Variants in TMEM45A observed in about 807,000 individuals in gnomAD.
The protein encoded by TMEM45A is transmembrane protein 45A.
A neutral mutation model predicts 32.0 loss-of-function variants in TMEM45A; 25 were observed. The observed-to-expected ratio is 0.78, with a 90% CI of 0.57 to 1.09. The LOEUF (loss-of-function observed/expected upper bound fraction) is 1.09, where lower values mean the gene tolerates loss of function less well. Among genes scored for constraint, TMEM45A ranks in the 50% least tolerant of loss-of-function variants. The pLI is 0.00. For synonymous variants in TMEM45A, 122 were observed against 114.8 expected, an observed-to-expected ratio of 1.06 and a Z score of -0.40; for missense variants, 302 against 325.0, an observed-to-expected ratio of 0.93 and a Z score of 0.54.
At chr3:100,526,321 A>C (rs1705543854) in intron 1 of TMEM45A, among the ~76,000 whole-genome samples, 1 of 152,076 alleles carries the variant, frequency 6.6e-6, no homozygotes, top group African/African-American at 2.4e-5. Flanking sequence ...GAACTCTTAA[A>C]GTCTCATCTT....
intron 1 of TMEM45A, among the ~76,000 whole-genome samples, chr3:100,509,855 A>G (rs1349946252): frequency 6.6e-6 from 1 of 152,208 alleles, no homozygotes; most frequent in Non-Finnish European, 1.5e-5. Context: ...GAAAGGGGCG[A>G]CAGACGGCAC....
At chr3:100,504,705 A>G (rs1366742582) in intron 1 of TMEM45A, among the ~76,000 whole-genome samples, 3 of 152,348 alleles carry the variant, frequency 2.0e-5, no homozygotes, top group East Asian at 3.9e-4. Flanking sequence ...CAGGGAACAC[A>G]TAATAATCTG....
intron 1 of TMEM45A, among the ~76,000 whole-genome samples, chr3:100,523,159 G>T (rs1266709696): frequency 1.3e-5 from 2 of 152,130 alleles, no homozygotes; most frequent in Admixed American, 6.6e-5. Context: ...CTTCTGCATC[G>T]CTTAGAACAT....
intron 5 of TMEM45A, among the ~76,000 whole-genome samples, chr3:100,575,363 C>CTTTTTTTTTTTTTTTTTTTTT (rs59739893): frequency 6.4e-5 from 4 of 62,706 alleles, no homozygotes; most frequent in African/African-American, 2.2e-4. Flanking sequence ...TATGGATTCT[C>CTTTTTTTTTTTTTTTTTTTTT]TTTTTTTTTT....
chr3:100,514,393 T>G (rs1383457138), intron 1 of TMEM45A, among the ~76,000 whole-genome samples: 2 of 152,172 alleles, frequency 1.3e-5, no homozygotes, highest in Non-Finnish European at 1.5e-5. Flanking sequence ...CCCTATTTAA[T>G]ATATGGTGCT....
chr3:100,554,943 T>C (rs1231574720), intron 1 of TMEM45A, among the ~76,000 whole-genome samples: 9 of 152,202 alleles, frequency 5.9e-5, no homozygotes, highest in Non-Finnish European at 2.9e-5. Context: ...ATAAATTAGG[T>C]TGAAGACTGA....
chr3:100,494,572 A>C (rs1707895105), intron 1 of TMEM45A, among the ~76,000 whole-genome samples: 2 of 152,132 alleles, frequency 1.3e-5, no homozygotes, highest in Admixed American at 6.5e-5. Flanking sequence ...CAGTGAGCCA[A>C]GATCACGCCA....
chr3:100,510,651 G>A (rs62276550), intron 1 of TMEM45A, among the ~76,000 whole-genome samples: 2,188 of 116,840 alleles, frequency 0.019, no homozygotes, highest in South Asian at 0.019. Flanking sequence ...GAGAGAAGAA[G>A]GCTTCAGATG....
chr3:100,509,774 G>C (rs1034000736), intron 1 of TMEM45A, among the ~76,000 whole-genome samples: 28 of 152,206 alleles, frequency 1.8e-4, no homozygotes, highest in African/African-American at 2.4e-5. Flanking sequence ...CCGTGCATGA[G>C]CTGAAGCAGG....
At chr3:100,556,108 G>T (rs1559649966) in intron 2 of TMEM45A, among the ~76,000 whole-genome samples, 1 of 152,240 alleles carries the variant, frequency 6.6e-6, no homozygotes, top group East Asian at 1.9e-4. Context: ...CAGCTCCCAA[G>T]TAGCTAGGAT....
chr3:100,566,494 C>T (rs1360513788), intron 4 of TMEM45A, among the ~76,000 whole-genome samples: 1 of 152,112 alleles, frequency 6.6e-6, no homozygotes, highest in Non-Finnish European at 1.5e-5. Context: ...GGCTATGTGT[C>T]AGTTACAGTG....
At chr3:100,529,022 A>G (rs988142514) in intron 1 of TMEM45A, among the ~76,000 whole-genome samples, 1 of 152,180 alleles carries the variant, frequency 6.6e-6, no homozygotes, top group African/African-American at 2.4e-5. Context: ...TATTTGTTGG[A>G]TGGGCTTTTC....
Position 100,550,997 on chromosome 3 carries a change from C to T in TMEM45A, c.-3-4212C>T, listed in dbSNP as rs139229111. Among the ~76,000 whole-genome samples, 227 of 149,538 alleles carry T rather than the reference C, an allele frequency of 1.5e-3. No homozygotes were observed. The Middle Eastern group carries it at 0.018, about 12-fold the overall frequency. The stretch of plus-strand genomic sequence containing the variant: ...AAATCTTTCAGTCCGTCTTTTTAGG[C>T]CTGGGTGAACTGCTTTTTTTTTTTT... On this transcript the variant is annotated intron_variant, in intron 1 of 5. Coordinates refer to ENST00000323523, the MANE Select transcript of TMEM45A (RefSeq NM_018004.3).
chr3:100,532,824 T>C (rs984402652), intron 1 of TMEM45A, among the ~76,000 whole-genome samples: 1 of 152,154 alleles, frequency 6.6e-6, no homozygotes, highest in South Asian at 2.1e-4. Flanking sequence ...TCTTGTCAAA[T>C]GTTAAATGGG....
At chr3:100,539,438 T>TATGCATATGCATATGC (rs1453426235) in intron 1 of TMEM45A, among the ~76,000 whole-genome samples, 1,140 of 108,712 alleles carry the variant, frequency 0.01, 36 homozygotes, top group African/African-American at 0.018. Flanking sequence ...ATAGGATATG[T>TATGCATATGCATATGC]ATATGTATAT....
chr3:100,510,189 G>C (rs1398240645), intron 1 of TMEM45A, among the ~76,000 whole-genome samples: 1 of 152,232 alleles, frequency 6.6e-6, no homozygotes, highest in Non-Finnish European at 1.5e-5. Flanking sequence ...CAAAAAGACA[G>C]CAGTAACCTT....
chr3:100,522,742 C>T (rs1705459418), intron 1 of TMEM45A, among the ~76,000 whole-genome samples: 2 of 152,166 alleles, frequency 1.3e-5, no homozygotes, highest in Non-Finnish European at 2.9e-5. Flanking sequence ...CACACCTGTT[C>T]CCACTGGGGG....
intron 1 of TMEM45A, among the ~76,000 whole-genome samples, chr3:100,497,408 A>G (rs1039194423): frequency 9.2e-5 from 14 of 152,236 alleles, no homozygotes; most frequent in Non-Finnish European, 1.6e-4. Context: ...AAAATATATA[A>G]CATAAAATTT....
chr3:100,514,000 T>C (rs949349611), intron 1 of TMEM45A, among the ~76,000 whole-genome samples: 33 of 152,284 alleles, frequency 2.2e-4, no homozygotes, highest in African/African-American at 7.9e-4. Flanking sequence ...TGGAAGAACA[T>C]TCCATGTTCA....
Sources: allele counts gnomAD v4.1 joint callset (sites outside exome capture counted in the v4.1 genomes callset), GRCh38; gene constraint gnomAD v4.1.1; transcripts MANE v1.5; gene names NCBI Gene and HGNC (gene_info 2026-07-23, HGNC 2026-07-21).